Variants in MINDY4 observed in about 807,000 individuals in gnomAD.
The protein encoded by MINDY4 is probable ubiquitin carboxyl-terminal hydrolase MINDY-4.
A neutral mutation model predicts 87.0 loss-of-function variants in MINDY4; 68 were observed. That is an observed-to-expected ratio of 0.78 (90% CI 0.64 to 0.96). The LOEUF is 0.96. Ranked by LOEUF, MINDY4 falls within the 40% of genes least tolerant of loss-of-function variation. The pLI, the probability that MINDY4 is intolerant of heterozygous loss-of-function variation, is 0.00. For missense variants in MINDY4, 919 were observed against 928.2 expected, an observed-to-expected ratio of 0.99 and a Z score of 0.13; for synonymous variants, 379 against 363.2, an observed-to-expected ratio of 1.04 and a Z score of -0.50.
rs932007060 is a variant in MINDY4 at position 30,865,943 on chromosome 7, A to T, written c.1746-6300A>T. ...AGAGGTGGCAAATGAGGCCCTAGAT[A>T]GGCCCATACCAGCTGGGTGCTTGAC... is the stretch of plus-strand genomic sequence containing the variant. On this transcript the variant is annotated intron_variant, in intron 13 of 17. Coordinates refer to ENST00000265299, the MANE Select transcript of MINDY4 (RefSeq NM_032222.3). 2.0e-5 allele frequency among the ~76,000 whole-genome samples: 3 copies of T among 152,206 alleles called. No individual in the cohort carries two copies. The South Asian group carries it at 6.2e-4, about 31-fold the overall frequency.
intron 6 of MINDY4, among the ~76,000 whole-genome samples, chr7:30,832,487 A>C (rs62449069): frequency 0.4 from 61,503 of 151,962 alleles, 15,676 homozygotes; most frequent in African/African-American, 0.72. Context: ...GCCTATCAGT[A>C]TTCTTCCCTT....
At chr7:30,809,234 A>G (rs1474725377) in intron 5 of MINDY4, among the ~76,000 whole-genome samples, 2 of 152,184 alleles carry the variant, frequency 1.3e-5, no homozygotes, top group African/African-American at 2.4e-5. Flanking sequence ...TCCTTAACCC[A>G]GTAACCTGCA....
intron 5 of MINDY4, among the ~76,000 whole-genome samples, chr7:30,807,088 C>T (rs1170728537): frequency 6.6e-6 from 1 of 152,208 alleles, no homozygotes; most frequent in Non-Finnish European, 1.5e-5. Flanking sequence ...AAAAGGAAAT[C>T]ATGTAAACTG....
chr7:30,782,608 C>T (rs1005548671), intron 3 of MINDY4, among the ~76,000 whole-genome samples: 1 of 151,958 alleles, frequency 6.6e-6, no homozygotes, highest in African/African-American at 2.4e-5. Flanking sequence ...GAGGCTGAGG[C>T]TGGAAGATCA....
chr7:30,808,154 C>T (rs1787870132), intron 5 of MINDY4, among the ~76,000 whole-genome samples: 1 of 152,176 alleles, frequency 6.6e-6, no homozygotes, highest in South Asian at 2.1e-4. Context: ...AATGCCTTGC[C>T]AGAGCAGTGC....
chr7:30,875,520 G>A lies in MINDY4; in HGVS notation c.1835G>A (p.Gly612Glu). 6.2e-7 allele frequency: 1 copy of A among 1,614,182 alleles called. No individual in the cohort carries two copies. ...TQELVNLLLTGKAVSNVFNDV... is the reference protein window; with the variant it reads ...TQELVNLLLTEKAVSNVFNDV... ...GAACTTGTCAATCTGCTCCTGACTG[G>A]GAAAGCTGTGTCCAACGTTTTCAAC... Residue 612 changes from glycine (G) to glutamate (E), a missense_variant, in exon 15 of 18, where the codon GGG becomes GAG. Physicochemically the swap from Gly to Glu is moderately conservative, Grantham distance 98. Coordinates refer to ENST00000265299, the MANE Select transcript of MINDY4 (RefSeq NM_032222.3).
At chr7:30,888,863 G>T (rs1790710833) in intron 17 of MINDY4, among the ~76,000 whole-genome samples, 1 of 152,208 alleles carries the variant, frequency 6.6e-6, no homozygotes, top group South Asian at 2.1e-4. Flanking sequence ...AAACTCAACA[G>T]CCTGATAGTA....
At position 30,892,179 on chromosome 7, in the gene MINDY4, G is replaced by C. The variant is rs112087094; in HGVS notation, c.*174G>C. On this transcript the variant is annotated 3_prime_UTR_variant, in exon 18 of 18. Coordinates refer to ENST00000265299, the MANE Select transcript of MINDY4 (RefSeq NM_032222.3). ...CCATGAAGGGCCCACCCAAGACTGT[G>C]CTGGGGACCCAGTGTGTTGCTGGGT... is the stretch of plus-strand genomic sequence containing the variant. 3.9e-3 allele frequency: 2,493 copies of C among 640,670 alleles called. 50 individuals are homozygous for C. The African/African-American group carries it at 0.041, about 10-fold the overall frequency. 39.7% of individuals were successfully genotyped at this position (640,670 alleles called of 1,614,324 possible).
intron 5 of MINDY4, among the ~76,000 whole-genome samples, chr7:30,820,703 G>GTTGTATGGATATATAACATTTTATTTA (rs1788302145): frequency 6.6e-6 from 1 of 151,936 alleles, no homozygotes; most frequent in Non-Finnish European, 1.5e-5. Context: ...ATAATATTCC[G>GTTGTATGGATATATAACATTTTATTTA]TTGTATGGAT....
rs1446495797 is a variant in MINDY4 at position 30,785,893 on chromosome 7, G to T, written c.564G>T (p.Glu188Asp). 3.7e-6 allele frequency: 6 copies of T among 1,614,220 alleles called. No homozygotes were observed. The highest frequency in any genetic ancestry group is 5.1e-6 in the Non-Finnish European group (6 of 1,180,042). Residue 188 changes from glutamate (E) to aspartate (D), a missense_variant, in exon 4 of 18, where the codon GAG (glutamate) becomes GAT (aspartate). Glu to Asp is a conservative substitution (Grantham distance 45). Coordinates refer to ENST00000265299, the MANE Select transcript of MINDY4 (RefSeq NM_032222.3). ...AWEKIDKLHSEPSLDVKRMGE... is the reference protein window; with the variant it reads ...AWEKIDKLHSDPSLDVKRMGE... ...AGAAGATAGACAAGCTTCACTCGGA[G>T]CCTTCCTTGGATGTGAAGAGGATGG...
chr7:30,779,661 G>T (rs376411918), intron 2 of MINDY4: 55 of 152,306 alleles, frequency 3.6e-4, no homozygotes, highest in African/African-American at 1.3e-3. Flanking sequence ...TCTCAGGAGG[G>T]GGAGCTGTGA....
chr7:30,776,693 C>G (rs1467474107), intron 1 of MINDY4, among the ~76,000 whole-genome samples: 1 of 152,174 alleles, frequency 6.6e-6, no homozygotes, highest in African/African-American at 2.4e-5. Context: ...AAATAGCTGG[C>G]CATCTAAAAC....
At chr7:30,806,651 T>C (rs138466164) in intron 5 of MINDY4, among the ~76,000 whole-genome samples, 6 of 152,392 alleles carry the variant, frequency 3.9e-5, no homozygotes, top group South Asian at 2.1e-4. Flanking sequence ...GGGCATGTCT[T>C]TCCCCTGGGG....
At chr7:30,786,020 T>C (rs760599707) in intron 4 of MINDY4, 28 bp downstream of exon 4, 16 of 1,612,292 alleles carry the variant, frequency 9.9e-6, no homozygotes, top group East Asian at 2.2e-5. Context: ...TCTGTTGTTA[T>C]GGGACTGGAG....
At chr7:30,821,275 T>C (rs1788320022) in intron 5 of MINDY4, among the ~76,000 whole-genome samples, 1 of 152,202 alleles carries the variant, frequency 6.6e-6, no homozygotes, top group Admixed American at 6.5e-5. Flanking sequence ...CTGATATGAG[T>C]CCTTGATCGT....
At chr7:30,881,658 C>T (rs1790466608) in intron 15 of MINDY4, among the ~76,000 whole-genome samples, 2 of 152,084 alleles carry the variant, frequency 1.3e-5, no homozygotes, top group African/African-American at 2.4e-5. Flanking sequence ...TGGGTGGGCA[C>T]CTAGTGATGT....
intron 13 of MINDY4, among the ~76,000 whole-genome samples, chr7:30,870,960 T>C (rs771987995): frequency 6.8e-6 from 1 of 146,312 alleles, no homozygotes; most frequent in Non-Finnish European, 1.5e-5. Context: ...CCTCCCAGAG[T>C]CAAGTGTGCC....
At chr7:30,778,219 A>T (rs1254269762) in intron 1 of MINDY4, among the ~76,000 whole-genome samples, 2 of 152,188 alleles carry the variant, frequency 1.3e-5, no homozygotes, top group Admixed American at 1.3e-4. Flanking sequence ...CTCACTCCTT[A>T]TCTGCGAAAT....
At chr7:30,844,225 A>G (rs1337801100) in intron 9 of MINDY4, among the ~76,000 whole-genome samples, 1 of 152,078 alleles carries the variant, frequency 6.6e-6, no homozygotes, top group Non-Finnish European at 1.5e-5. Context: ...CTCAGGGGAC[A>G]TTCTTCAGAC....
Sources: gnomAD v4.1 joint callset for allele counts (sites outside exome capture counted in the v4.1 genomes callset) on GRCh38, gnomAD v4.1.1 for gene constraint, MANE v1.5 for transcripts, NCBI Gene and HGNC (gene_info 2026-07-23, HGNC 2026-07-21) for gene names.